ZNF362: variants seen among roughly 807,000 people sequenced by gnomAD.
ZNF362 encodes rotund homolog.
ZNF362 carries 11 observed loss-of-function variants against 42.9 expected under a neutral mutation model. The ratio of observed to expected loss-of-function variants is 0.26; its 90% CI spans 0.16 to 0.42. The LOEUF is 0.42. Ranked by LOEUF, ZNF362 falls within the 20% of genes least tolerant of loss-of-function variation. ZNF362 has a pLI of 1.00. For synonymous variants in ZNF362, 255 were observed against 257.3 expected, an observed-to-expected ratio of 0.99 and a Z score of 0.09; for missense variants, 362 against 576.2, an observed-to-expected ratio of 0.63 and a Z score of 3.81.
chr1:33,154,461 C>T, the ZNF362 span, among the ~76,000 whole-genome samples: 1 of 152,020 alleles, frequency 6.6e-6, no homozygotes, highest in African/African-American at 2.4e-5. Context: ...TCTTGCTCAG[C>T]TATATGGAAC....
At chr1:33,221,306 C>A in the ZNF362 span, among the ~76,000 whole-genome samples, 1 of 152,168 alleles carries the variant, frequency 6.6e-6, no homozygotes, top group African/African-American at 2.4e-5. Context: ...TGGGAAGGGC[C>A]CCCATCAGGC....
chr1:33,181,321 G>A, the ZNF362 span: 1 of 1,571,022 alleles, frequency 6.4e-7, no homozygotes, highest in Non-Finnish European at 8.6e-7. The surrounding 1 kb of genome is among the most constrained non-coding windows in gnomAD (Gnocchi z 6.5). Context: ...CGCACCCAGT[G>A]CTCCGTGATG....
At chr1:33,156,493 C>T in the ZNF362 span, among the ~76,000 whole-genome samples, 899 of 152,314 alleles carry the variant, frequency 5.9e-3, 17 homozygotes, top group African/African-American at 0.02. Flanking sequence ...TCCAGGCTTC[C>T]AGGACATACC....
At chr1:33,205,695 C>T in the ZNF362 span, among the ~76,000 whole-genome samples, 1 of 152,054 alleles carries the variant, frequency 6.6e-6, no homozygotes, top group Admixed American at 6.6e-5. Context: ...GAGTGGATCA[C>T]CTGAGGTCAG....
rs1646159905 is a variant in ZNF362 at position 33,300,479 on chromosome 1, TAAA to T, written c.*1437_*1439del. 6.6e-6 allele frequency: 1 copy of T among 152,298 alleles called. No individual in the cohort carries two copies. The highest frequency in any genetic ancestry group is 6.6e-5 in the Admixed American group (1 of 15,256). 9.4% of individuals were successfully genotyped at this position (152,298 alleles called of 1,614,324 possible). ...CCATATTTAGAACTAGTTACCTTAT[TAAA>T]AAAGAAAAAACAGTCTGTTGGCTTC... On this transcript the variant is annotated 3_prime_UTR_variant, in exon 9 of 9. Coordinates refer to ENST00000539719, the MANE Select transcript of ZNF362 (RefSeq NM_152493.3).
At chr1:33,262,127 A>G (rs896294243) in intron 1 of ZNF362, among the ~76,000 whole-genome samples, 2 of 151,714 alleles carry the variant, frequency 1.3e-5, no homozygotes, top group Non-Finnish European at 2.9e-5. Context: ...AGGTGGCTGA[A>G]TAGTGTCTTT....
the ZNF362 span, among the ~76,000 whole-genome samples, chr1:33,186,197 G>A: frequency 2.0e-5 from 3 of 152,124 alleles, no homozygotes; most frequent in Non-Finnish European, 2.9e-5. Context: ...TGAACAAAGG[G>A]ACACCCTGCC....
chr1:33,176,328 C>T, the ZNF362 span: 29 of 620,086 alleles, frequency 4.7e-5, no homozygotes, highest in Admixed American at 1.7e-4. Flanking sequence ...AAACCAGAGC[C>T]GAAATTTGAA....
the ZNF362 span, among the ~76,000 whole-genome samples, chr1:33,242,672 AG>A: frequency 6.6e-6 from 1 of 151,912 alleles, no homozygotes; most frequent in African/African-American, 2.4e-5. Context: ...GAAGCGATGG[AG>A]GTGGGTTGAG....
chr1:33,263,162 C>T (rs543917344), intron 1 of ZNF362, among the ~76,000 whole-genome samples: 52 of 152,358 alleles, frequency 3.4e-4, no homozygotes, highest in African/African-American at 1.1e-3. Flanking sequence ...AAATTCTAGC[C>T]GTTGCGCAGT....
chr1:33,279,046 G>A (rs1304440745), intron 4 of ZNF362, among the ~76,000 whole-genome samples: 1 of 151,990 alleles, frequency 6.6e-6, no homozygotes, highest in Non-Finnish European at 1.5e-5. Flanking sequence ...TTTTTTAAGA[G>A]TAGGGTCTTG....
chr1:33,189,627 A>T, the ZNF362 span, among the ~76,000 whole-genome samples: 99,859 of 123,242 alleles, frequency 0.81, 40,763 homozygotes, highest in Admixed American at 0.84. Context: ...AGAAATTCAC[A>T]TTCCAGCATA....
At position 33,276,558 on chromosome 1, in the gene ZNF362, G is replaced by T. The variant is rs1345219784; in HGVS notation, c.313G>T (p.Ala105Ser). The change falls in exon 4 of 9, where the codon GCG becomes TCG. Residue 105 changes from alanine (A) to serine (S), a missense_variant. Transcript: ENST00000539719. ...ACAGGCGGTGCCGCAGCCCGACGTG[G>T]CGCTGCACGCACGGCCGGCCACCAG... ...HPQAVPQPDV[A>S]LHARPATSTV... The T allele has an allele frequency of 7.0e-7, 1 of 1,421,520 alleles. No individual in the cohort carries two copies. The highest frequency in any genetic ancestry group is 3.0e-5 in the Admixed American group (1 of 33,604). 88.1% of individuals were successfully genotyped at this position (1,421,520 alleles called of 1,614,324 possible). A position where few individuals can be genotyped will look rare whatever the true frequency, so the allele number is the denominator to read the frequency against.
Position 33,280,452 on chromosome 1 carries a change from G to A in ZNF362, c.678G>A (p.Thr226=), listed in dbSNP as rs779571511. The part of the protein sequence containing the change: ...ASGETAKEGK[T]YRCKVCPLTF... ...GCGAGACTGCCAAGGAGGGCAAGAC[G>A]TACAGGTGGGGGTCTTGGCGGGATG... is the stretch of plus-strand genomic sequence containing the variant. Residue 226 remains threonine, a synonymous_variant, in exon 5 of 9, where the codon ACG becomes ACA. Transcript: ENST00000539719. The surrounding 1 kb of genome is among the most constrained non-coding windows in gnomAD (Gnocchi z 5.6). 1.6e-5 allele frequency: 26 copies of A among 1,586,420 alleles called. No homozygotes were observed. Among genetic ancestry groups the A allele is most frequent in the African/African-American group, 1.6e-4 (12 of 74,340 alleles).
At chr1:33,211,132 A>C in the ZNF362 span, among the ~76,000 whole-genome samples, 1 of 151,974 alleles carries the variant, frequency 6.6e-6, no homozygotes, top group East Asian at 1.9e-4. Flanking sequence ...ATGGGGTTTC[A>C]CCATGTTAGC....
the ZNF362 span, among the ~76,000 whole-genome samples, chr1:33,190,162 C>T: frequency 6.6e-6 from 1 of 152,120 alleles, no homozygotes; most frequent in Non-Finnish European, 1.5e-5. Context: ...GATGGCTCAC[C>T]TCAGTCTTCA....
chr1:33,213,320 A>C, the ZNF362 span, among the ~76,000 whole-genome samples: 1 of 152,110 alleles, frequency 6.6e-6, no homozygotes, highest in Non-Finnish European at 1.5e-5. Flanking sequence ...AATCACGGCG[A>C]TGATTTCACA....
the ZNF362 span, among the ~76,000 whole-genome samples, chr1:33,196,774 A>C: frequency 6.6e-6 from 1 of 152,224 alleles, no homozygotes; most frequent in Non-Finnish European, 1.5e-5. Context: ...CTGGCAGTGC[A>C]GTAGGCCATT....
chr1:33,145,744 G>C, the ZNF362 span: 1 of 405,414 alleles, frequency 2.5e-6, no homozygotes, highest in Non-Finnish European at 5.1e-6. Flanking sequence ...CAGGGATAGA[G>C]CCAAGGGGCA....
Sources: allele counts gnomAD v4.1 joint callset (sites outside exome capture counted in the v4.1 genomes callset), GRCh38; gene constraint gnomAD v4.1.1; non-coding constraint Gnocchi (gnomAD v3.1); transcripts MANE v1.5; gene names NCBI Gene and HGNC (gene_info 2026-07-23, HGNC 2026-07-21).